LHFPL3: variants seen among roughly 807,000 people sequenced by gnomAD.
LHFPL3 encodes the protein LHFPL tetraspan subfamily member 3, also known as LHFPL tetraspan subfamily member 3 protein.
Under a neutral mutation model 19.3 loss-of-function variants are expected in LHFPL3, and 5 were observed. That is an observed-to-expected ratio of 0.26 (90% CI 0.14 to 0.54). The LOEUF is 0.54. LHFPL3 is among the 20% of genes least tolerant of loss of function. LHFPL3 has a pLI of 0.94. For synonymous variants in LHFPL3, 133 were observed against 126.2 expected (o/e 1.05, Z -0.36); for missense variants, 249 against 307.4 (o/e 0.81, Z 1.42).
chr7:104,706,274 C>A (rs998037569), intron 1 of LHFPL3, among the ~76,000 whole-genome samples: 8 of 139,960 alleles, frequency 5.7e-5, no homozygotes, highest in Admixed American at 5.6e-4. Context: ...TCACCTGCTG[C>A]CAGCCAGTGT....
intron 2 of LHFPL3, among the ~76,000 whole-genome samples, chr7:104,823,275 G>A (rs1034439358): frequency 6.6e-6 from 1 of 152,204 alleles, no homozygotes; most frequent in Non-Finnish European, 1.5e-5. Flanking sequence ...GAGTTTGGAA[G>A]GCCCAGGTTC....
intron 1 of LHFPL3, among the ~76,000 whole-genome samples, chr7:104,416,116 A>G (rs1188873384): frequency 4.6e-5 from 7 of 152,220 alleles, no homozygotes; most frequent in East Asian, 3.8e-4. Flanking sequence ...TCTTAATCCA[A>G]TAGGACCAGT....
chr7:104,673,442 G>T (rs557639137), intron 1 of LHFPL3, among the ~76,000 whole-genome samples: 1 of 152,194 alleles, frequency 6.6e-6, no homozygotes, highest in Admixed American at 6.5e-5. Context: ...CATGATCAGA[G>T]ATCTTGGTAT....
intron 1 of LHFPL3, among the ~76,000 whole-genome samples, chr7:104,374,414 G>GT (rs933222133): frequency 2.6e-5 from 4 of 151,988 alleles, no homozygotes; most frequent in Admixed American, 6.6e-5. Context: ...ACTAATTTTT[G>GT]TATTTTTAGT....
intron 2 of LHFPL3, among the ~76,000 whole-genome samples, chr7:104,855,709 C>T (rs1791492595): frequency 6.6e-6 from 1 of 151,974 alleles, no homozygotes; most frequent in African/African-American, 2.4e-5. Context: ...CTGCAACCTC[C>T]ACCTCCTGGA....
chr7:104,688,624 TTGTC>T (rs1457991117), intron 1 of LHFPL3, among the ~76,000 whole-genome samples: 1 of 152,158 alleles, frequency 6.6e-6, no homozygotes, highest in African/African-American at 2.4e-5. Context: ...CTTTCCACCT[TTGTC>T]TGAGGAGATT....
chr7:104,442,927 C>T (rs149759076), intron 1 of LHFPL3, among the ~76,000 whole-genome samples: 1 of 152,200 alleles, frequency 6.6e-6, no homozygotes, highest in African/African-American at 2.4e-5. Flanking sequence ...TTTTTAAGCC[C>T]GATCCTTAAT....
intron 1 of LHFPL3, among the ~76,000 whole-genome samples, chr7:104,528,611 A>G (rs910698267): frequency 2.6e-5 from 4 of 152,204 alleles, no homozygotes; most frequent in Non-Finnish European, 4.4e-5. Flanking sequence ...GTATTATAAT[A>G]TATAATTAAG....
chr7:104,496,326 T>C (rs969093914), intron 1 of LHFPL3, among the ~76,000 whole-genome samples: 1 of 152,222 alleles, frequency 6.6e-6, no homozygotes, highest in African/African-American at 2.4e-5. Context: ...TGCATAGTAT[T>C]CCATGGTGTA....
At chr7:104,447,925 C>T (rs757276944) in intron 1 of LHFPL3, among the ~76,000 whole-genome samples, 7 of 152,028 alleles carry the variant, frequency 4.6e-5, no homozygotes, top group East Asian at 1.9e-4. Flanking sequence ...ACAAAAATTG[C>T]GATTTTTGTG....
chr7:104,469,061 T>A (rs1172390950), intron 1 of LHFPL3, among the ~76,000 whole-genome samples: 2 of 152,162 alleles, frequency 1.3e-5, no homozygotes, highest in African/African-American at 4.8e-5. Flanking sequence ...AGGCTCCAAT[T>A]TAACAAGCTC....
chr7:104,456,692 C>T (rs984316874), intron 1 of LHFPL3, among the ~76,000 whole-genome samples: 4 of 152,162 alleles, frequency 2.6e-5, no homozygotes, highest in African/African-American at 9.6e-5. Context: ...TACACTTGTA[C>T]TTTGGTGCCC....
chr7:104,774,976 C>T (rs1036503752), intron 2 of LHFPL3, among the ~76,000 whole-genome samples: 7 of 152,216 alleles, frequency 4.6e-5, no homozygotes, highest in South Asian at 2.1e-4. Flanking sequence ...TACAGCAAAT[C>T]GCTGGCTTTT....
intron 2 of LHFPL3, among the ~76,000 whole-genome samples, chr7:104,852,823 G>T (rs1791437220): frequency 6.6e-6 from 1 of 152,152 alleles, no homozygotes; most frequent in African/African-American, 2.4e-5. Context: ...TGTTCATGGG[G>T]CCAGCTTCCT....
chr7:104,374,254 T>A (rs923131792), intron 1 of LHFPL3, among the ~76,000 whole-genome samples: 31 of 151,122 alleles, frequency 2.1e-4, no homozygotes, highest in Admixed American at 9.2e-4. Flanking sequence ...ACATATATAT[T>A]TTTTTTAAGA....
intron 2 of LHFPL3, among the ~76,000 whole-genome samples, chr7:104,746,585 C>T (rs530337644): frequency 3.3e-5 from 5 of 152,152 alleles, no homozygotes; most frequent in Non-Finnish European, 5.9e-5. Flanking sequence ...CTAAAAAAAT[C>T]ACATTTCTGA....
At chr7:104,648,278 T>G (rs909947817) in intron 1 of LHFPL3, among the ~76,000 whole-genome samples, 10 of 152,220 alleles carry the variant, frequency 6.6e-5, no homozygotes, top group Admixed American at 6.5e-4. Context: ...GTACTGTTTA[T>G]GCACTGCCAA....
intron 1 of LHFPL3, among the ~76,000 whole-genome samples, chr7:104,711,308 G>T (rs987576565): frequency 6.6e-6 from 1 of 152,224 alleles, no homozygotes; most frequent in Non-Finnish European, 1.5e-5. Flanking sequence ...ATTCAGATGA[G>T]TTCAGCCAAA....
At chr7:104,654,190 A>T (rs1240133066) in intron 1 of LHFPL3, among the ~76,000 whole-genome samples, 1 of 152,200 alleles carries the variant, frequency 6.6e-6, no homozygotes, top group South Asian at 2.1e-4. Context: ...GAAATAGCCA[A>T]GCAGATGTGA....
Sources: gnomAD v4.1 joint callset for allele counts (sites outside exome capture counted in the v4.1 genomes callset) on GRCh38, gnomAD v4.1.1 for gene constraint, MANE v1.5 for transcripts, NCBI Gene and HGNC (gene_info 2026-07-23, HGNC 2026-07-21) for gene names.